The following CUBN variants were observed in gnomAD, a reference collection of about 807,000 sequenced individuals.
CUBN encodes cubilin, also known as 460 kDa receptor.
In CUBN, 282 loss-of-function variants were observed where a neutral mutation model predicts 405.3. The observed-to-expected ratio is 0.70, with a 90% CI of 0.63 to 0.77. CUBN has a LOEUF of 0.77. Among genes scored for constraint, CUBN ranks in the 30% least tolerant of loss-of-function variants. The pLI, the probability that CUBN is intolerant of heterozygous loss-of-function variation, is 0.00. For missense variants in CUBN, 4,514 were observed against 4,475.2 expected, an observed-to-expected ratio of 1.01 and a Z score of -0.25; for synonymous variants, 1,684 against 1,617.0, an observed-to-expected ratio of 1.04 and a Z score of -0.99.
chr10:17,000,672 T>C (rs1833852562), intron 28 of CUBN, among the ~76,000 whole-genome samples: 1 of 152,230 alleles, frequency 6.6e-6, no homozygotes, highest in Admixed American at 6.5e-5. Flanking sequence ...AATATTTGCT[T>C]TCAGGCACCA....
intron 59 of CUBN, among the ~76,000 whole-genome samples, chr10:16,864,948 CTTTTTT>C (rs35045969): frequency 2.0e-5 from 1 of 50,054 alleles, no homozygotes; most frequent in Non-Finnish European, 3.4e-5. Flanking sequence ...CCATGCCCAG[CTTTTTT>C]TTTTTTTTTT....
chr10:16,981,833 T>G (rs1419937526), intron 31 of CUBN, among the ~76,000 whole-genome samples: 1 of 152,176 alleles, frequency 6.6e-6, no homozygotes, highest in Non-Finnish European at 1.5e-5. Context: ...CAGAAACTCT[T>G]TTTGTCATCT....
chr10:16,825,045 T>C lies in CUBN; in HGVS notation c.10802A>G (p.Gln3601Arg). 1 of 1,613,840 alleles carries C rather than the reference T, an allele frequency of 6.2e-7. No individual in the cohort carries two copies. The highest frequency in any genetic ancestry group is 8.5e-7 in the Non-Finnish European group (1 of 1,179,874). ...SIAPFVASSN[Q>R]VFIKFHADYA... ...ATCAGCATGAAATTTTATGAAGACCTGATTTGAGGAAGCCACGAAGGGAGC... is the reference window on the plus strand; with the variant it reads ...ATCAGCATGAAATTTTATGAAGACCCGATTTGAGGAAGCCACGAAGGGAGC... Residue 3601 changes from glutamine (Q) to arginine (R), a missense_variant, in exon 67 of 67, where the codon CAG becomes CGG. Physicochemically the swap from Gln to Arg is conservative, Grantham distance 43 (BLOSUM62 1). This residue lies in a region of CUBN where 1,186 missense variants were observed against 1,186.9 expected (regional missense o/e 1.00). Transcript: ENST00000377833.
chr10:17,055,515 T>C (rs1835373249), intron 22 of CUBN, among the ~76,000 whole-genome samples: 1 of 152,118 alleles, frequency 6.6e-6, no homozygotes, highest in Admixed American at 6.6e-5. Context: ...CTATGTAGTA[T>C]ATACTAAAGG....
rs748120324 is a variant in CUBN at position 17,068,013 on chromosome 10, A to G, written c.3008+51T>C. ...CAATTTTAAGATCCTTCACTGAAGC[A>G]GGAAATCAGTGAAGTTTTATTGTTA... is the stretch of plus-strand genomic sequence containing the variant. On this transcript the variant is annotated intron_variant, in intron 21 of 66. Coordinates refer to ENST00000377833, the MANE Select transcript of CUBN (RefSeq NM_001081.4). 19 of 1,417,572 alleles carry G rather than the reference A, an allele frequency of 1.3e-5. 1 individual carries two copies. In the South Asian group the frequency reaches 2.2e-4, roughly 16 times the overall value. The allele number at this position is 1,417,572 out of a possible 1,614,324, so 87.8% of individuals were successfully genotyped here. A position where few individuals can be genotyped will look rare whatever the true frequency, so the allele number is the denominator to read the frequency against.
chr10:17,105,723 G>T lies in CUBN; in HGVS notation c.1112-148C>A. On this transcript the variant is annotated intron_variant, in intron 10 of 66. Coordinates refer to ENST00000377833, the MANE Select transcript of CUBN (RefSeq NM_001081.4). ...GGGCAGACAAAACAAGGTATGAGGA[G>T]AAAATATTAGAATCTTTATTTTTGT... is the stretch of plus-strand genomic sequence containing the variant. The T allele has an allele frequency of 7.8e-6, 5 of 642,950 alleles. No homozygotes were observed. The South Asian group carries it at 8.6e-5, about 11-fold the overall frequency. The allele number at this position is 642,950 out of a possible 1,614,324, so 39.8% of individuals were successfully genotyped here. A position where few individuals can be genotyped will look rare whatever the true frequency, so the allele number is the denominator to read the frequency against.
chr10:16,952,628 T>C (rs1467512253), intron 32 of CUBN, among the ~76,000 whole-genome samples: 1 of 152,218 alleles, frequency 6.6e-6, no homozygotes, highest in Non-Finnish European at 1.5e-5. Context: ...AAGCAACAGA[T>C]TAAATGTCTA....
At chr10:16,847,835 T>A (rs1839564476) in intron 60 of CUBN, among the ~76,000 whole-genome samples, 2 of 152,242 alleles carry the variant, frequency 1.3e-5, no homozygotes, top group Admixed American at 1.3e-4. Flanking sequence ...TACTTGTGTA[T>A]CTACCACAGA....
At position 16,940,194 on chromosome 10, in the gene CUBN, C is replaced by G. The variant is rs370795698; in HGVS notation, c.5386G>C (p.Val1796Leu). 1.2e-6 allele frequency: 2 copies of G among 1,614,104 alleles called. No individual in the cohort carries two copies. Among genetic ancestry groups the G allele is most frequent in the African/African-American group, 1.3e-5 (1 of 75,026 alleles). Residue 1796 changes from valine (V) to leucine (L), a missense_variant, in exon 37 of 67, where the codon GTG becomes CTG. By Grantham distance (32) the Val-to-Leu change is conservative (BLOSUM62 1). Coordinates refer to ENST00000377833, the MANE Select transcript of CUBN (RefSeq NM_001081.4). ...GTGGCATTTCCTTCACGGATCTCCA[C>G]AAAATCTCTGCTGCAGTCCTGAGAG... is the stretch of plus-strand genomic sequence containing the variant. Reference protein sequence around the residue: ...EDSQDCSRDFVEIREGNATGH... With the variant: ...EDSQDCSRDFLEIREGNATGH...
chr10:17,124,494 T>C (rs1042473940), intron 4 of CUBN, among the ~76,000 whole-genome samples: 4 of 151,888 alleles, frequency 2.6e-5, no homozygotes, highest in African/African-American at 9.7e-5. Flanking sequence ...AGTGGCGCGA[T>C]CTCCGCTCAC....
chr10:16,928,345 G>C, intron 40 of CUBN, 42 bp from the exon 41 acceptor site: 3 of 1,605,450 alleles, frequency 1.9e-6, no homozygotes, highest in Non-Finnish European at 2.6e-6. Context: ...TACATCTTGA[G>C]AATCTACTCT....
chr10:16,877,680 A>T (rs1403462675), intron 56 of CUBN, among the ~76,000 whole-genome samples: 2 of 152,232 alleles, frequency 1.3e-5, no homozygotes, highest in East Asian at 1.9e-4. Context: ...AGATGTTCAC[A>T]CAAACACTAT....
At chr10:17,097,554 C>T (rs1024554960) in intron 14 of CUBN, among the ~76,000 whole-genome samples, 9 of 152,098 alleles carry the variant, frequency 5.9e-5, no homozygotes, top group Admixed American at 5.9e-4. Context: ...AAAACATTGA[C>T]ATTACCTGTA....
intron 19 of CUBN, 52 bp downstream of exon 19, chr10:17,071,374 A>G: frequency 6.4e-7 from 1 of 1,566,430 alleles, no homozygotes; most frequent in Non-Finnish European, 8.7e-7. Flanking sequence ...AACCCATAAT[A>G]TTTTTTATAA....
At chr10:17,029,622 G>A (rs1225812900) in intron 27 of CUBN, among the ~76,000 whole-genome samples, 1 of 152,180 alleles carries the variant, frequency 6.6e-6, no homozygotes, top group Non-Finnish European at 1.5e-5. Flanking sequence ...ACTTAGAATT[G>A]TAATAGCTTA....
chr10:16,929,696 T>C (rs900061329), intron 40 of CUBN, among the ~76,000 whole-genome samples: 12 of 152,232 alleles, frequency 7.9e-5, no homozygotes, highest in Non-Finnish European at 1.8e-4. Context: ...GTATCTCTTA[T>C]AGTTCTTTTG....
rs766154438 is a variant in CUBN, at chr10:16,874,428, T to A, written c.9182A>T (p.Asp3061Val). The A allele has an allele frequency of 3.1e-6, 5 of 1,613,886 alleles. No homozygotes were observed. The East Asian group carries it at 8.9e-5, about 29-fold the overall frequency. ...GGTGATGGTATACAGACAGTGCATATCATTTGGGTAGTCTGCGTATGAATA... is the reference window on the plus strand; with the variant it reads ...GGTGATGGTATACAGACAGTGCATAACATTTGGGTAGTCTGCGTATGAATA... ...PAYSYADYPNDMHCLYTITVS... is the reference protein window; with the variant it reads ...PAYSYADYPNVMHCLYTITVS... The change falls in exon 58 of 67, where the codon GAT becomes GTT. Residue 3061 changes from aspartate (D) to valine (V), a missense_variant. Transcript: ENST00000377833.
intron 56 of CUBN, among the ~76,000 whole-genome samples, chr10:16,887,406 C>T (rs981972811): frequency 6.6e-6 from 1 of 152,106 alleles, no homozygotes; most frequent in Non-Finnish European, 1.5e-5. Context: ...AAATTTTAAT[C>T]ACGTTTACAT....
At chr10:17,098,063 A>C (rs1836413113) in intron 14 of CUBN, among the ~76,000 whole-genome samples, 3 of 152,170 alleles carry the variant, frequency 2.0e-5, no homozygotes, top group Admixed American at 2.0e-4. Flanking sequence ...GCTTGCTCTG[A>C]GAGAAGCCAA....
Sources: allele counts gnomAD v4.1 joint callset (sites outside exome capture counted in the v4.1 genomes callset), GRCh38; gene constraint gnomAD v4.1.1; regional missense constraint gnomAD v4.1.1; transcripts MANE v1.5; gene names NCBI Gene and HGNC (gene_info 2026-07-23, HGNC 2026-07-21).